MON2: variants seen among roughly 807,000 people sequenced by gnomAD.
MON2 encodes the protein MON2 regulator of endosome-to-Golgi trafficking, also known as protein MON2 homolog.
A neutral mutation model predicts 208.6 loss-of-function variants in MON2; 84 were observed. That is an observed-to-expected ratio of 0.40 (90% CI 0.34 to 0.48). The LOEUF (loss-of-function observed/expected upper bound fraction) is 0.48, where lower values mean the gene tolerates loss of function less well. MON2 is among the 20% of genes least tolerant of loss of function. The pLI, the probability that MON2 is intolerant of heterozygous loss-of-function variation, is 0.59. For missense variants in MON2, 1,611 were observed against 2,015.4 expected, an observed-to-expected ratio of 0.80 and a Z score of 3.84; for synonymous variants, 660 against 694.0, an observed-to-expected ratio of 0.95 and a Z score of 0.77.
intron 30 of MON2, among the ~76,000 whole-genome samples, chr12:62,573,935 T>C (rs550718657): frequency 6.6e-6 from 1 of 152,282 alleles, no homozygotes; most frequent in East Asian, 1.9e-4. Flanking sequence ...GGTTTGAGTA[T>C]GTTTGGTGTG....
At chr12:62,529,177 A>AT (rs1259170414) in intron 11 of MON2, among the ~76,000 whole-genome samples, 1 of 152,208 alleles carries the variant, frequency 6.6e-6, no homozygotes, top group Admixed American at 6.5e-5. Context: ...ATAATCAACA[A>AT]TGTAAACATA....
chr12:62,539,461 G>T (rs2073133507), intron 19 of MON2, among the ~76,000 whole-genome samples: 1 of 151,390 alleles, frequency 6.6e-6, no homozygotes, highest in Non-Finnish European at 1.5e-5. Flanking sequence ...TAGAGACAAG[G>T]TTTCACTGTG....
chr12:62,519,972 C>T (rs533662479), intron 8 of MON2, among the ~76,000 whole-genome samples: 57 of 152,322 alleles, frequency 3.7e-4, no homozygotes, highest in African/African-American at 1.2e-3. Context: ...CCTGCCACCA[C>T]GCCCGGCTAA....
chr12:62,565,922 A>G (rs1051935169), intron 27 of MON2, 92 bp from the exon 28 acceptor site: 3 of 1,233,400 alleles, frequency 2.4e-6, no homozygotes. Flanking sequence ...ACTCAACATA[A>G]AAATTATAAT....
rs1044929350 is a variant in MON2, at chr12:62,560,531, A to T, written c.3450A>T (p.Ile1150=). The change falls in exon 26 of 35, where the codon ATA becomes ATT. Residue 1150 remains isoleucine, a synonymous_variant. Transcript: ENST00000393630. The part of the protein sequence containing the change: ...SRAWDVLLDH[I]QSAALSKNNE... ...CTTGGGATGTTCTTCTTGACCATATACAGTCAGCAGCACTCAGCAAAAACA... is the reference window on the plus strand; with the variant it reads ...CTTGGGATGTTCTTCTTGACCATATTCAGTCAGCAGCACTCAGCAAAAACA... 4 of 1,613,452 alleles carry T rather than the reference A, an allele frequency of 2.5e-6. No individual in the cohort carries two copies. Among genetic ancestry groups the T allele is most frequent in the Non-Finnish European group, 3.4e-6 (4 of 1,179,906 alleles).
chr12:62,549,903 C>T, intron 23 of MON2, 73 bp downstream of exon 23: 6 of 988,230 alleles, frequency 6.1e-6, no homozygotes, highest in Non-Finnish European at 8.4e-6. Context: ...GAATGCTAAG[C>T]AAATATACTT....
chr12:62,486,044 C>T (rs1229203174), intron 2 of MON2, among the ~76,000 whole-genome samples: 1 of 152,038 alleles, frequency 6.6e-6, no homozygotes, highest in Non-Finnish European at 1.5e-5. Context: ...GGCAGATTAG[C>T]TACTGTGGGG....
At position 62,578,452 on chromosome 12, in the gene MON2, C is replaced by A; in HGVS notation, c.4522C>A (p.Pro1508Thr). Reference protein sequence around the residue: ...EDFLFTKSIPPDNLSIQEFQR... With the variant: ...EDFLFTKSIPTDNLSIQEFQR... The stretch of plus-strand genomic sequence containing the variant: ...AGTGTTTTTTTTTTTTAGCATACCT[C>A]CAGATAATCTCTCTATTCAAGAGTT... The change falls in exon 31 of 35, where the codon CCA (proline) becomes ACA (threonine). Residue 1508 changes from proline to threonine, a missense_variant. Coordinates refer to ENST00000393630, the MANE Select transcript of MON2 (RefSeq NM_015026.3). The A allele has an allele frequency of 2.1e-6, 3 of 1,439,198 alleles. No individual in the cohort carries two copies. The highest frequency in any genetic ancestry group is 1.5e-5 in the African/African-American group (1 of 67,768). The allele number at this position is 1,439,198 out of a possible 1,614,324, so 89.2% of individuals were successfully genotyped here. A position where few individuals can be genotyped will look rare whatever the true frequency, so the allele number is the denominator to read the frequency against.
At chr12:62,476,800 G>A (rs1025153916) in intron 1 of MON2, among the ~76,000 whole-genome samples, 4 of 152,062 alleles carry the variant, frequency 2.6e-5, no homozygotes, top group Admixed American at 2.0e-4. Flanking sequence ...TGGACCTTTG[G>A]TAAATTTGCC....
In MON2 at chr12:62,525,156, A is replaced by G. The variant is rs1362746013; in HGVS notation, c.1182A>G (p.Gly394=). ...KVFRDIVNAL[G]SFIQSLFLVP... The stretch of plus-strand genomic sequence containing the variant: ...TTCGTGATATTGTAAATGCACTGGG[A>G]TCTTTTATACAGTCCTTGTTTCTTG... Residue 394 remains glycine, a synonymous_variant, in exon 10 of 35, where the codon GGA becomes GGG. Coordinates refer to ENST00000393630, the MANE Select transcript of MON2 (RefSeq NM_015026.3). 2 of 1,612,626 alleles carry G rather than the reference A, an allele frequency of 1.2e-6. No individual in the cohort carries two copies. The highest frequency in any genetic ancestry group is 2.2e-5 in the East Asian group (1 of 44,838).
intron 23 of MON2, among the ~76,000 whole-genome samples, chr12:62,550,083 A>G (rs1194614975): frequency 6.6e-6 from 1 of 152,210 alleles, no homozygotes; most frequent in Non-Finnish European, 1.5e-5. Context: ...TTAGTAAACA[A>G]TAGTATATAC....
chr12:62,534,246 C>G (rs987314996), intron 12 of MON2, among the ~76,000 whole-genome samples: 4 of 149,892 alleles, frequency 2.7e-5, no homozygotes, highest in East Asian at 3.9e-4. Flanking sequence ...AATGGCTGGG[C>G]GTGGTGGCTC....
At chr12:62,539,020 A>C (rs2073111561) in intron 19 of MON2, among the ~76,000 whole-genome samples, 1 of 152,100 alleles carries the variant, frequency 6.6e-6, no homozygotes, top group African/African-American at 2.4e-5. Context: ...ATTAACATTC[A>C]AGAACATTTC....
chr12:62,537,073 C>A, intron 14 of MON2, 78 bp from the exon 15 acceptor site: 1 of 852,308 alleles, frequency 1.2e-6, no homozygotes, highest in Non-Finnish European at 1.7e-6. Context: ...TTGGTTTAAT[C>A]AAACTTTAAA....
Position 62,467,270 on chromosome 12 carries a change from G to C in MON2, c.63G>C (p.Leu21Phe). Residue 21 changes from leucine to phenylalanine, a missense_variant, in exon 1 of 35, where the codon TTG becomes TTC. Leu to Phe is a conservative substitution (Grantham distance 22). Coordinates refer to ENST00000393630, the MANE Select transcript of MON2 (RefSeq NM_015026.3). ...KKLLENMQSD[L>F]RALSLECKKK... Reference sequence around the variant, plus strand: ...TGCTGGAGAATATGCAGAGCGACTTGCGCGCCTTGTCACTGGAGTGCAAGA... The same window carrying C: ...TGCTGGAGAATATGCAGAGCGACTTCCGCGCCTTGTCACTGGAGTGCAAGA... 4 of 1,614,092 alleles carry C rather than the reference G, an allele frequency of 2.5e-6. No individual in the cohort carries two copies. Among genetic ancestry groups the C allele is most frequent in the Non-Finnish European group, 3.4e-6 (4 of 1,180,044 alleles).
intron 8 of MON2, among the ~76,000 whole-genome samples, chr12:62,519,205 C>A (rs1391377126): frequency 6.6e-6 from 1 of 152,160 alleles, no homozygotes; most frequent in Non-Finnish European, 1.5e-5. Flanking sequence ...CAGAAAGGCA[C>A]TGGGGACGCC....
chr12:62,578,694 G>A (rs1285511691), intron 31 of MON2, among the ~76,000 whole-genome samples, 189 bp downstream of exon 31: 1 of 152,118 alleles, frequency 6.6e-6, no homozygotes, highest in Non-Finnish European at 1.5e-5. Context: ...CCTTAGATTT[G>A]TTACAGTCTT....
chr12:62,538,929 A>G (rs945660688), intron 19 of MON2, among the ~76,000 whole-genome samples: 1 of 152,090 alleles, frequency 6.6e-6, no homozygotes, highest in African/African-American at 2.4e-5. Context: ...ATTTCTTTCT[A>G]AAGGTAATGA....
At chr12:62,526,197 C>A in intron 11 of MON2, 95 bp downstream of exon 11, 2 of 1,164,752 alleles carry the variant, frequency 1.7e-6, no homozygotes, top group East Asian at 2.5e-5. Context: ...ATTTTAGACC[C>A]ACTACTTCTA....
Sources: allele counts gnomAD v4.1 joint callset (sites outside exome capture counted in the v4.1 genomes callset), GRCh38; gene constraint gnomAD v4.1.1; transcripts MANE v1.5; gene names NCBI Gene and HGNC (gene_info 2026-07-23, HGNC 2026-07-21).